HNRNPUL2: variants seen among roughly 807,000 people sequenced by gnomAD.
HNRNPUL2 encodes heterogeneous nuclear ribonucleoprotein U-like protein 2.
Under a neutral mutation model 102.2 loss-of-function variants are expected in HNRNPUL2, and 27 were observed. The observed-to-expected ratio is 0.26, with a 90% CI of 0.19 to 0.36. The LOEUF (loss-of-function observed/expected upper bound fraction) is 0.36, where lower values mean the gene tolerates loss of function less well. Among genes scored for constraint, HNRNPUL2 ranks in the 10% least tolerant of loss-of-function variants. HNRNPUL2 has a pLI of 1.00. For synonymous variants in HNRNPUL2, 458 were observed against 387.2 expected (o/e 1.18, Z -2.15); for missense variants, 936 against 981.1 (o/e 0.95, Z 0.61).
chr11:62,715,190 G>T lies in HNRNPUL2; in HGVS notation c.*109C>A. 9.8e-6 allele frequency: 1 copy of T among 102,082 alleles called. No individual in the cohort carries two copies. The highest frequency in any genetic ancestry group is 1.8e-5 in the Non-Finnish European group (1 of 54,876). The allele number at this position is 102,082 out of a possible 1,614,324, so 6.3% of individuals were successfully genotyped here. On this transcript the variant is annotated 3_prime_UTR_variant, in exon 14 of 14. Coordinates refer to ENST00000301785, the MANE Select transcript of HNRNPUL2 (RefSeq NM_001079559.3). ...CCCCCCCCACCACCCCTCCCCGGCA[G>T]CTCAGCCCCACCCCGACAGCCCCTG...
rs751614581 is a variant in HNRNPUL2, at chr11:62,720,048, A to C, written c.1755T>G (p.Pro585=). 2 of 1,614,014 alleles carry C rather than the reference A, an allele frequency of 1.2e-6. No homozygotes were observed. Among genetic ancestry groups the C allele is most frequent in the Admixed American group, 3.3e-5 (2 of 60,004 alleles). The part of the protein sequence containing the change: ...LRKEVEGDDV[P]ESIMLEMKAN... ...CTTTCATCTCCAGCATTATAGATTC[A>C]GGCACATCATCTCCCTCTACTTCCT... Residue 585 remains proline, a synonymous_variant, in exon 10 of 14, where the codon CCT becomes CCG. Transcript: ENST00000301785.
intron 8 of HNRNPUL2, 22 bp from the exon 9 acceptor site, chr11:62,721,445 G>GTA: frequency 9.4e-7 from 1 of 1,067,348 alleles, no homozygotes; most frequent in Non-Finnish European, 1.2e-6. Flanking sequence ...GAGAGGAAGT[G>GTA]AAAAAAAAAA....
In HNRNPUL2 at chr11:62,722,126, C is replaced by G; in HGVS notation, c.1350G>C (p.Glu450Asp). The part of the protein sequence containing the change: ...VRTAVPPKTI[E>D]ECEVILMVGL... ...ATACTGTTTGGCATACCTCACATTC[C>G]TCTATGGTCTTGGGAGGGACTGCAG... The change falls in exon 7 of 14, where the codon GAG becomes GAC. Residue 450 changes from glutamate to aspartate, a missense_variant. By Grantham distance (45) the Glu-to-Asp change is conservative (BLOSUM62 2). Around this residue, in one of 2 missense-constraint regions of HNRNPUL2, gnomAD observed 609 missense variants for 713.0 expected, o/e 0.85. Coordinates refer to ENST00000301785, the MANE Select transcript of HNRNPUL2 (RefSeq NM_001079559.3). 3 of 1,613,800 alleles carry G rather than the reference C, an allele frequency of 1.9e-6. No individual in the cohort carries two copies. The highest frequency in any genetic ancestry group is 2.5e-6 in the Non-Finnish European group (3 of 1,179,846).
chr11:62,720,036 C>G lies in HNRNPUL2; in HGVS notation c.1767G>C (p.Met589Ile). ...VEGDDVPESI[M>I]LEMKANFSLP... Reference sequence around the variant, plus strand: ...TAAGACACCCACCTTTCATCTCCAGCATTATAGATTCAGGCACATCATCTC... The same window carrying G: ...TAAGACACCCACCTTTCATCTCCAGGATTATAGATTCAGGCACATCATCTC... The change falls in exon 10 of 14, where the codon ATG becomes ATC. Residue 589 changes from methionine (M) to isoleucine (I), a missense_variant. This residue lies in a region of HNRNPUL2 where 609 missense variants were observed against 713.0 expected (regional missense o/e 0.85). Transcript: ENST00000301785. 6.2e-7 allele frequency: 1 copy of G among 1,614,064 alleles called. No individual in the cohort carries two copies. The highest frequency in any genetic ancestry group is 8.5e-7 in the Non-Finnish European group (1 of 1,179,938).
At chr11:62,725,456 C>T (rs1282315391) in intron 1 of HNRNPUL2, among the ~76,000 whole-genome samples, 3 of 152,220 alleles carry the variant, frequency 2.0e-5, no homozygotes, top group East Asian at 1.9e-4. Flanking sequence ...CGCCTGGCCT[C>T]CCAAAGTGCC....
chr11:62,726,654 G>C lies in HNRNPUL2; in HGVS notation c.503C>G (p.Ser168Cys). ...EERSGDETPG[S>C]EVPGDKAAEE... ...GGCGGCCTTGTCACCCGGCACCTCGGATCCCGGCGTCTCGTCCCCGCTCCG... is the reference window on the plus strand; with the variant it reads ...GGCGGCCTTGTCACCCGGCACCTCGCATCCCGGCGTCTCGTCCCCGCTCCG... Residue 168 changes from serine to cysteine, a missense_variant, in exon 1 of 14, where the codon TCC becomes TGC. Coordinates refer to ENST00000301785, the MANE Select transcript of HNRNPUL2 (RefSeq NM_001079559.3). 6.3e-7 allele frequency: 1 copy of C among 1,597,672 alleles called. No homozygotes were observed. The highest frequency in any genetic ancestry group is 1.3e-5 in the African/African-American group (1 of 74,842).
intron 10 of HNRNPUL2, among the ~76,000 whole-genome samples, chr11:62,719,272 G>A (rs928503191): frequency 3.3e-5 from 5 of 152,124 alleles, no homozygotes; most frequent in African/African-American, 4.8e-5. Flanking sequence ...GCAATATGGC[G>A]AAACCCCATC....
chr11:62,724,611 T>A (rs1480763161), intron 1 of HNRNPUL2, among the ~76,000 whole-genome samples, 185 bp from the exon 2 acceptor site: 1 of 150,218 alleles, frequency 6.7e-6, no homozygotes, highest in Non-Finnish European at 1.5e-5. Context: ...GTGATTTAAT[T>A]TTTTTAAAAA....
At chr11:62,719,521 C>G (rs533252226) in intron 10 of HNRNPUL2, among the ~76,000 whole-genome samples, 12 of 152,274 alleles carry the variant, frequency 7.9e-5, no homozygotes, top group African/African-American at 2.9e-4. Context: ...ATTCATTTAT[C>G]TACAAGTGCT....
chr11:62,720,407 T>G (rs143477037), intron 9 of HNRNPUL2, among the ~76,000 whole-genome samples: 4 of 151,966 alleles, frequency 2.6e-5, no homozygotes, highest in East Asian at 1.9e-4. Context: ...TAACTCGGCA[T>G]GATGGTGGGT....
chr11:62,717,358 C>G (rs1239490472), intron 10 of HNRNPUL2, among the ~76,000 whole-genome samples, 169 bp from the exon 11 acceptor site: 1 of 152,172 alleles, frequency 6.6e-6, no homozygotes, highest in Non-Finnish European at 1.5e-5. Flanking sequence ...TTAACTTTTT[C>G]TACTCTAAGT....
intron 9 of HNRNPUL2, 56 bp downstream of exon 9, chr11:62,721,239 T>A: frequency 6.8e-7 from 1 of 1,479,392 alleles, no homozygotes. Flanking sequence ...CTTAATTCAG[T>A]CTCTCTTTAT....
Position 62,727,063 on chromosome 11 carries a change from G to A in HNRNPUL2, c.94C>T (p.Arg32Trp). ...SRGLKVDLAQRLQEALDAEML... is the reference protein window; with the variant it reads ...SRGLKVDLAQWLQEALDAEML... The stretch of plus-strand genomic sequence containing the variant: ...TCGGCGTCCAGCGCCTCCTGCAGCC[G>A]CTGCGCCAGATCCACCTTGAGGCCG... Residue 32 changes from arginine (R) to tryptophan (W), a missense_variant, in exon 1 of 14, where the codon CGG becomes TGG. Transcript: ENST00000301785. The A allele has an allele frequency of 2.8e-6, 4 of 1,427,114 alleles. No individual in the cohort carries two copies. Among genetic ancestry groups the A allele is most frequent in the South Asian group, 1.4e-5 (1 of 72,460 alleles). 88.4% of individuals were successfully genotyped at this position (1,427,114 alleles called of 1,614,324 possible). A position where few individuals can be genotyped will look rare whatever the true frequency, so the allele number is the denominator to read the frequency against.
intron 8 of HNRNPUL2, 34 bp from the exon 9 acceptor site, chr11:62,721,457 CA>C: frequency 6.6e-7 from 1 of 1,526,500 alleles, no homozygotes; most frequent in Non-Finnish European, 8.8e-7. Context: ...AAAAAAAAAA[CA>C]AAACACAAGT....
In HNRNPUL2 at chr11:62,715,398, C is replaced by T. The variant is rs1429702812; in HGVS notation, c.2164-19G>A. 2 of 1,609,836 alleles carry T rather than the reference C, an allele frequency of 1.2e-6. No individual in the cohort carries two copies. The highest frequency in any genetic ancestry group is 1.1e-5 in the South Asian group (1 of 90,966). On this transcript the variant is annotated intron_variant, in intron 13 of 13. Transcript: ENST00000301785. ...TCTGCCACTAGAAGAGAGGGAAACC[C>T]CATCACTTGGAGCCAGAGCTGGCTG...
intron 10 of HNRNPUL2, among the ~76,000 whole-genome samples, chr11:62,718,419 G>A (rs780380634): frequency 6.6e-6 from 1 of 151,940 alleles, no homozygotes; most frequent in Non-Finnish European, 1.5e-5. Context: ...CTCTCCCTGC[G>A]GCCAGGCGCA....
chr11:62,721,271 T>C lies in HNRNPUL2; in HGVS notation c.1611+24A>G, dbSNP rs376494433. ...TTATATACACATCCCACCTTGACTC[T>C]AGGCAATTTTATCAGATTAATACCT... On this transcript the variant is annotated intron_variant, in intron 9 of 13. Coordinates refer to ENST00000301785, the MANE Select transcript of HNRNPUL2 (RefSeq NM_001079559.3). The C allele has an allele frequency of 7.5e-6, 12 of 1,593,268 alleles. No individual in the cohort carries two copies. The African/African-American group carries it at 1.5e-4, about 20-fold the overall frequency.
In HNRNPUL2 at chr11:62,722,899, G is replaced by T; in HGVS notation, c.896C>A (p.Thr299Asn). 2 of 1,613,866 alleles carry T rather than the reference G, an allele frequency of 1.2e-6. No individual in the cohort carries two copies. The highest frequency in any genetic ancestry group is 1.7e-6 in the Non-Finnish European group (2 of 1,179,806). ...GCCTTCTTTCATTGGGAGATTCTGG[G>T]TTACCTGGCCAAGTCAGAAAGGGAA... Reference protein sequence around the residue: ...KGKVCFEAKVTQNLPMKEGCT... With the variant: ...KGKVCFEAKVNQNLPMKEGCT... Residue 299 changes from threonine (T) to asparagine (N), a missense_variant, in exon 5 of 14, where the codon ACC becomes AAC. Transcript: ENST00000301785.
Position 62,717,067 on chromosome 11 carries a change from G to T in HNRNPUL2, c.1903C>A (p.Pro635Thr). 2 of 1,614,160 alleles carry T rather than the reference G, an allele frequency of 1.2e-6. No individual in the cohort carries two copies. The highest frequency in any genetic ancestry group is 1.7e-6 in the Non-Finnish European group (2 of 1,180,042). ...CGGCGATTTGTCCGCTTCTCGGAGGGGGGCAGAAGCTTCCTTGCCTCCTCC... is the reference window on the plus strand; with the variant it reads ...CGGCGATTTGTCCGCTTCTCGGAGGTGGGCAGAAGCTTCCTTGCCTCCTCC... ...YKEEARKLLP[P>T]SEKRTNRRNN... Residue 635 changes from proline (P) to threonine (T), a missense_variant, in exon 11 of 14, where the codon CCC becomes ACC. By Grantham distance (38) the Pro-to-Thr change is conservative. This residue lies in a region of HNRNPUL2 where 609 missense variants were observed against 713.0 expected (regional missense o/e 0.85). Transcript: ENST00000301785.
Sources: gnomAD v4.1 joint callset for allele counts (sites outside exome capture counted in the v4.1 genomes callset) on GRCh38, gnomAD v4.1.1 for gene constraint, gnomAD v4.1.1 regional missense constraint, MANE v1.5 for transcripts, NCBI Gene and HGNC (gene_info 2026-07-23, HGNC 2026-07-21) for gene names.